Variants in SUPT3H observed in about 807,000 individuals in gnomAD.
SUPT3H encodes SPT3 homolog, SAGA and STAGA complex component.
Under a neutral mutation model 44.3 loss-of-function variants are expected in SUPT3H, and 44 were observed. The observed-to-expected ratio is 0.99, with a 90% confidence interval of 0.78 to 1.28. The LOEUF is 1.28. SUPT3H is among the 50% of genes most tolerant of loss of function. The probability of loss-of-function intolerance (pLI) is 0.00; values close to 1 mark genes in which losing one functional copy is unlikely to be tolerated. For synonymous variants in SUPT3H, 124 were observed against 125.6 expected, an observed-to-expected ratio of 0.99 and a Z score of 0.09; for missense variants, 380 against 387.1, an observed-to-expected ratio of 0.98 and a Z score of 0.15.
intron 10 of SUPT3H, among the ~76,000 whole-genome samples, chr6:44,860,229 A>G (rs1472102044): frequency 6.6e-6 from 1 of 152,224 alleles, no homozygotes; most frequent in Non-Finnish European, 1.5e-5. Flanking sequence ...AACTCATTTC[A>G]TTAATACATA....
intron 2 of SUPT3H, among the ~76,000 whole-genome samples, chr6:45,312,514 C>CA (rs144073348): frequency 0.46 from 48,828 of 106,194 alleles, 9,799 homozygotes; most frequent in African/African-American, 0.52. Flanking sequence ...GACTCCATCT[C>CA]AAAAAAAAAA....
chr6:44,999,785 T>C (rs973266881), intron 6 of SUPT3H, among the ~76,000 whole-genome samples: 1 of 152,044 alleles, frequency 6.6e-6, no homozygotes, highest in Non-Finnish European at 1.5e-5. Context: ...ATTTGATGAT[T>C]AACAGTTTGC....
rs181883116 is a variant in SUPT3H, at chr6:45,349,476, A to G, written c.101+15725T>C. Among the ~76,000 whole-genome samples the G allele has an allele frequency of 4.6e-5, 7 of 152,284 alleles. No homozygotes were observed. In the East Asian group the frequency reaches 1.3e-3, roughly 29 times the overall value. On this transcript the variant is annotated intron_variant, in intron 2 of 10. Transcript: ENST00000371459. Reference sequence around the variant, plus strand: ...TGGTCTCTGGATCACCAACATCAACATCACCTGGGAATTTATTTGAAAGGC... The same window carrying G: ...TGGTCTCTGGATCACCAACATCAACGTCACCTGGGAATTTATTTGAAAGGC...
At chr6:45,152,381 C>A (rs1218271882) in intron 2 of SUPT3H, among the ~76,000 whole-genome samples, 3 of 152,088 alleles carry the variant, frequency 2.0e-5, no homozygotes, top group South Asian at 4.1e-4. Flanking sequence ...ATGCCTTAAG[C>A]GAAGCTGCTA....
chr6:45,311,365 T>C (rs1452145651), intron 2 of SUPT3H, among the ~76,000 whole-genome samples: 1 of 152,124 alleles, frequency 6.6e-6, no homozygotes, highest in Non-Finnish European at 1.5e-5. Context: ...AAGAAGACAA[T>C]TCTAAAAGCT....
chr6:45,112,594 T>G (rs1464470823), intron 2 of SUPT3H, among the ~76,000 whole-genome samples: 1 of 152,160 alleles, frequency 6.6e-6, no homozygotes, highest in African/African-American at 2.4e-5. Context: ...TGATTAAGTT[T>G]CTAACAGAGG....
At chr6:45,100,600 TA>T (rs1338711243) in intron 3 of SUPT3H, among the ~76,000 whole-genome samples, 1 of 94,734 alleles carries the variant, frequency 1.1e-5, no homozygotes, top group Non-Finnish European at 2.1e-5. Context: ...GAAAAAACTC[TA>T]AATGTCACTA....
In SUPT3H at chr6:45,263,597, C is replaced by T. The variant is rs149769953; in HGVS notation, c.101+101604G>A. On this transcript the variant is annotated intron_variant, in intron 2 of 10. Transcript: ENST00000371459. ...ACCTCAGTAACATGCAATTTACCCACGTAACAAACCTGAACATGCACCCCT... is the reference window on the plus strand; with the variant it reads ...ACCTCAGTAACATGCAATTTACCCATGTAACAAACCTGAACATGCACCCCT... Among the ~76,000 whole-genome samples, 57 of 152,064 alleles carry T rather than the reference C, an allele frequency of 3.7e-4. 1 individual carries two copies. The East Asian group carries it at 6.0e-3, about 16-fold the overall frequency.
intron 2 of SUPT3H, among the ~76,000 whole-genome samples, chr6:45,111,424 C>T (rs1355380776): frequency 6.6e-6 from 1 of 151,844 alleles, no homozygotes; most frequent in Non-Finnish European, 1.5e-5. Context: ...TCAGCATGAC[C>T]AATCACCCTA....
intron 2 of SUPT3H, among the ~76,000 whole-genome samples, chr6:45,280,973 A>T (rs915989467): frequency 6.6e-6 from 1 of 152,244 alleles, no homozygotes; most frequent in Non-Finnish European, 1.5e-5. Flanking sequence ...ATAAAGGGGG[A>T]AAACTGCACT....
chr6:45,186,337 C>G (rs1814205900), intron 2 of SUPT3H, among the ~76,000 whole-genome samples: 1 of 151,862 alleles, frequency 6.6e-6, no homozygotes, highest in Non-Finnish European at 1.5e-5. Flanking sequence ...TAAGATGAAT[C>G]AAATGTTTAA....
chr6:44,976,041 A>G lies in SUPT3H; in HGVS notation c.505-14213T>C, dbSNP rs567094528. Among the ~76,000 whole-genome samples, 14 of 152,316 alleles carry G rather than the reference A, an allele frequency of 9.2e-5. No homozygotes were observed. In the South Asian group the frequency reaches 2.7e-3, roughly 29 times the overall value. On this transcript the variant is annotated intron_variant, in intron 6 of 10. Transcript: ENST00000371459. ...GAACGTTCTTAATCATCTTAATGCT[A>G]AAGTTTCCTTTCTTGTAATTGGCTG... is the stretch of plus-strand genomic sequence containing the variant.
intron 2 of SUPT3H, among the ~76,000 whole-genome samples, chr6:45,137,736 G>T (rs1804542356): frequency 6.6e-6 from 1 of 151,554 alleles, no homozygotes; most frequent in African/African-American, 2.4e-5. Flanking sequence ...AAGAAATAAA[G>T]ATATAAGATT....
chr6:45,021,934 T>TG (rs535852641), intron 3 of SUPT3H, among the ~76,000 whole-genome samples: 160 of 151,844 alleles, frequency 1.1e-3, no homozygotes, highest in Middle Eastern at 3.4e-3. Flanking sequence ...GAAATCTTGG[T>TG]GGGGGGGTAG....
At chr6:44,864,654 G>A (rs911059612) in intron 10 of SUPT3H, among the ~76,000 whole-genome samples, 2 of 152,228 alleles carry the variant, frequency 1.3e-5, no homozygotes, top group Admixed American at 1.3e-4. Context: ...CCTGAGCTCT[G>A]TGTTGGCCCC....
chr6:44,882,132 TGCTA>T (rs1285599216), intron 10 of SUPT3H, among the ~76,000 whole-genome samples: 6 of 151,536 alleles, frequency 4.0e-5, no homozygotes, highest in African/African-American at 1.5e-4. Flanking sequence ...CAAAATAGAC[TGCTA>T]GCAAGACTAA....
intron 6 of SUPT3H, among the ~76,000 whole-genome samples, chr6:44,990,295 C>T (rs958203159): frequency 2.0e-5 from 3 of 151,918 alleles, no homozygotes; most frequent in Non-Finnish European, 2.9e-5. Flanking sequence ...TGACCACATG[C>T]GTGTAGGTTT....
chr6:44,848,927 G>T (rs1772372085), intron 10 of SUPT3H, among the ~76,000 whole-genome samples: 1 of 152,184 alleles, frequency 6.6e-6, no homozygotes, highest in Non-Finnish European at 1.5e-5. Flanking sequence ...AATCAGAAGT[G>T]AATAAGAGAC....
At chr6:45,299,079 G>C (rs779456341) in intron 2 of SUPT3H, among the ~76,000 whole-genome samples, 2 of 151,940 alleles carry the variant, frequency 1.3e-5, no homozygotes, top group Non-Finnish European at 2.9e-5. Flanking sequence ...AGGAGCAGTG[G>C]TCACACCTAT....
Sources: allele counts gnomAD v4.1 joint callset (sites outside exome capture counted in the v4.1 genomes callset), GRCh38; gene constraint gnomAD v4.1.1; transcripts MANE v1.5; gene names NCBI Gene and HGNC (gene_info 2026-07-23, HGNC 2026-07-21).